Variants in INTS13 observed in about 807,000 individuals in gnomAD.
The protein encoded by INTS13 is asunder, spermatogenesis regulator homolog (Drosphila).
In INTS13, 35 loss-of-function variants were observed where a neutral mutation model predicts 90.2. That is an observed-to-expected ratio of 0.39 (90% CI 0.30 to 0.51). The LOEUF is 0.51. Among genes scored for constraint, INTS13 ranks in the 20% least tolerant of loss-of-function variants. INTS13 has a pLI of 0.80. For missense variants in INTS13, 601 were observed against 851.2 expected, an observed-to-expected ratio of 0.71 and a Z score of 3.66; for synonymous variants, 309 against 277.1, an observed-to-expected ratio of 1.11 and a Z score of -1.14.
At chr12:26,906,534 C>A in intron 15 of INTS13, 97 bp from the exon 16 acceptor site, 1 of 1,234,206 alleles carries the variant, frequency 8.1e-7, no homozygotes, top group Non-Finnish European at 1.1e-6. Context: ...TTCTGTTGTT[C>A]ATTTTACACA....
intron 5 of INTS13, among the ~76,000 whole-genome samples, chr12:26,927,005 G>A (rs566257237): frequency 6.6e-6 from 1 of 152,350 alleles, no homozygotes; most frequent in East Asian, 1.9e-4. Context: ...GGGGCTCAGA[G>A]AGCTTCTAGG....
chr12:26,926,083 G>A (rs192383666), intron 5 of INTS13, among the ~76,000 whole-genome samples: 2 of 152,136 alleles, frequency 1.3e-5, no homozygotes, highest in East Asian at 1.9e-4. Context: ...AATTGTGAGT[G>A]TCTGAAGGAT....
chr12:26,938,146 C>T (rs1356841307), upstream of INTS13: 2 of 152,740 alleles, frequency 1.3e-5, no homozygotes, highest in Non-Finnish European at 2.9e-5. Flanking sequence ...GCCTCCACCC[C>T]TCGAGATTTT....
intron 8 of INTS13, among the ~76,000 whole-genome samples, chr12:26,919,648 G>A (rs1952049985): frequency 6.7e-6 from 1 of 149,464 alleles, no homozygotes; most frequent in African/African-American, 2.4e-5. Flanking sequence ...TGTGATGATG[G>A]ATTAGATGTC....
chr12:26,918,078 C>A (rs576649294), intron 8 of INTS13, among the ~76,000 whole-genome samples: 1 of 151,890 alleles, frequency 6.6e-6, no homozygotes, highest in African/African-American at 2.4e-5. Flanking sequence ...GCTGCGATCA[C>A]GACACTGCAC....
At chr12:26,915,902 CTT>C in intron 11 of INTS13, 98 bp downstream of exon 11, 1 of 830,862 alleles carries the variant, frequency 1.2e-6, no homozygotes, top group Non-Finnish European at 1.8e-6. Context: ...CTTCCAGTCT[CTT>C]TTTTTCCACA....
chr12:26,921,613 C>T (rs777344044), intron 8 of INTS13, among the ~76,000 whole-genome samples: 5 of 152,136 alleles, frequency 3.3e-5, no homozygotes, highest in African/African-American at 7.2e-5. Context: ...TTTGCTGTGT[C>T]GCTTTCCGTG....
At chr12:26,912,170 C>T (rs1486479638) in intron 14 of INTS13, among the ~76,000 whole-genome samples, 1 of 152,164 alleles carries the variant, frequency 6.6e-6, no homozygotes, top group Non-Finnish European at 1.5e-5. Flanking sequence ...CGCAGTGGCT[C>T]ATGCCTGTAA....
chr12:26,929,323 A>G (rs1474455624), intron 3 of INTS13, among the ~76,000 whole-genome samples: 1 of 152,202 alleles, frequency 6.6e-6, no homozygotes, highest in African/African-American at 2.4e-5. Flanking sequence ...GAAAGATTGG[A>G]TGAATTCTCC....
intron 2 of INTS13, 52 bp from the exon 3 acceptor site, chr12:26,934,682 A>T: frequency 7.9e-7 from 1 of 1,271,578 alleles, no homozygotes; most frequent in Middle Eastern, 2.0e-4. Context: ...TCACTCAATC[A>T]CCAACATATT....
chr12:26,922,760 T>G, intron 7 of INTS13, 60 bp from the exon 8 acceptor site: 1 of 1,054,956 alleles, frequency 9.5e-7, no homozygotes, highest in South Asian at 1.6e-5. Flanking sequence ...ATAATAAAAT[T>G]ATTAATTATT....
chr12:26,922,508 AGGCATCCACT>A, intron 8 of INTS13, 98 bp downstream of exon 8: 5 of 680,786 alleles, frequency 7.3e-6, no homozygotes, highest in Non-Finnish European at 7.1e-6. Flanking sequence ...CTGAGATTTC[AGGCATCCACT>A]GGGGGTCTTG....
chr12:26,908,876 A>G (rs539895024), intron 15 of INTS13, among the ~76,000 whole-genome samples: 1 of 152,354 alleles, frequency 6.6e-6, no homozygotes, highest in South Asian at 2.1e-4. Flanking sequence ...ATTTCATATA[A>G]TATTTCCAGG....
At chr12:26,936,111 C>G (rs1040891199) in intron 2 of INTS13, among the ~76,000 whole-genome samples, 1 of 152,216 alleles carries the variant, frequency 6.6e-6, no homozygotes, top group Admixed American at 6.5e-5. Flanking sequence ...TCTGCCTCTA[C>G]GTAACTATGT....
intron 8 of INTS13, among the ~76,000 whole-genome samples, chr12:26,918,607 G>A (rs1231508662): frequency 6.6e-6 from 1 of 152,168 alleles, no homozygotes; most frequent in Non-Finnish European, 1.5e-5. Flanking sequence ...AAAAGCTTAA[G>A]GAATCTAAAA....
rs1951615265 is a variant in INTS13 at position 26,906,495 on chromosome 12, A to G, written c.1946-58T>C. On this transcript the variant is annotated intron_variant, in intron 15 of 16. Transcript: ENST00000261191. ...AAGATAGAATAATTTATTATTTCCAAATTTCCAAATTTCCAAACTTACCTT... is the reference window on the plus strand; with the variant it reads ...AAGATAGAATAATTTATTATTTCCAGATTTCCAAATTTCCAAACTTACCTT... The G allele has an allele frequency of 8.0e-6, 12 of 1,499,748 alleles. No individual in the cohort carries two copies. The African/African-American group carries it at 9.9e-5, about 12-fold the overall frequency. 92.9% of individuals were successfully genotyped at this position (1,499,748 alleles called of 1,614,324 possible). A position where few individuals can be genotyped will look rare whatever the true frequency, so the allele number is the denominator to read the frequency against.
chr12:26,934,168 G>A (rs757172417), intron 3 of INTS13, among the ~76,000 whole-genome samples: 4 of 152,152 alleles, frequency 2.6e-5, no homozygotes, highest in Non-Finnish European at 2.9e-5. Flanking sequence ...TCAGCTACTC[G>A]GGAGGCTTAG....
chr12:26,922,165 T>C (rs931116900), intron 8 of INTS13, among the ~76,000 whole-genome samples: 1 of 152,174 alleles, frequency 6.6e-6, no homozygotes, highest in African/African-American at 2.4e-5. Flanking sequence ...ACTGTCGAGG[T>C]ATCATAGTGC....
At chr12:26,919,135 C>T in intron 8 of INTS13, 1 of 173,400 alleles carries the variant, frequency 5.8e-6, no homozygotes, top group Non-Finnish European at 1.3e-5. Context: ...CTACTGTACT[C>T]CAGTCTGAGT....
Sources: allele counts gnomAD v4.1 joint callset (sites outside exome capture counted in the v4.1 genomes callset), GRCh38; gene constraint gnomAD v4.1.1; transcripts MANE v1.5; gene names NCBI Gene and HGNC (gene_info 2026-07-23, HGNC 2026-07-21).